SRP9: variants seen among roughly 807,000 people sequenced by gnomAD.
SRP9 encodes the protein signal recognition particle 9 kDa protein.
A neutral mutation model predicts 11.7 loss-of-function variants in SRP9; 2 were observed. The ratio of observed to expected loss-of-function variants is 0.17; its 90% CI spans 0.07 to 0.54. SRP9 has a LOEUF of 0.54. Ranked by LOEUF, SRP9 falls within the 20% of genes least tolerant of loss-of-function variation. The pLI, the probability that SRP9 is intolerant of heterozygous loss-of-function variation, is 0.94. For synonymous variants in SRP9, 27 were observed against 35.6 expected (o/e 0.76, Z 0.86); for missense variants, 54 against 108.1 (o/e 0.50, Z 2.22).
At chr1:225,778,720 G>A (rs1665734985) in intron 1 of SRP9, among the ~76,000 whole-genome samples, 1 of 152,162 alleles carries the variant, frequency 6.6e-6, no homozygotes, top group Non-Finnish European at 1.5e-5. Context: ...TAGCATTCGG[G>A]TCTTACTTTT....
At chr1:225,781,405 T>C (rs895824873) in intron 1 of SRP9, among the ~76,000 whole-genome samples, 2 of 140,836 alleles carry the variant, frequency 1.4e-5, no homozygotes, top group East Asian at 4.0e-4. Flanking sequence ...CTTTTTTTTT[T>C]TTTTTTTTTT....
rs370881839 is a variant in SRP9, at chr1:225,777,938, A to G, written c.-3A>G. 17 of 1,613,792 alleles carry G rather than the reference A, an allele frequency of 1.1e-5. No individual in the cohort carries two copies. Among genetic ancestry groups the G allele is most frequent in the Non-Finnish European group, 1.4e-5 (16 of 1,179,802 alleles). ...TCTCTTTACTTTTCCACTCTAGGCC[A>G]CGATGCCGCAGTACCAGACCTGGGA... On this transcript the variant is annotated 5_prime_UTR_variant, in exon 1 of 3. Coordinates refer to ENST00000304786, the MANE Select transcript of SRP9 (RefSeq NM_003133.6).
At position 225,777,891 on chromosome 1, in the gene SRP9, G is replaced by A. The variant is rs761826186; in HGVS notation, c.-50G>A. The A allele has an allele frequency of 3.2e-6, 5 of 1,555,978 alleles. No individual in the cohort carries two copies. In the East Asian group the frequency reaches 9.0e-5, roughly 28 times the overall value. The stretch of plus-strand genomic sequence containing the variant: ...ACTCCCGGACGTAGGTAGTTTGTTG[G>A]GCCGGGTTCTGAGGCCTTGCTTCTC... On this transcript the variant is annotated 5_prime_UTR_variant, in exon 1 of 3. Transcript: ENST00000304786.
intron 2 of SRP9, among the ~76,000 whole-genome samples, chr1:225,783,697 G>C (rs1215026754): frequency 6.6e-6 from 1 of 152,162 alleles, no homozygotes; most frequent in African/African-American, 2.4e-5. Flanking sequence ...AGGCTTTATT[G>C]TATTTCCTGT....
chr1:225,777,975 G>A lies in SRP9; in HGVS notation c.35G>A (p.Arg12His). Residue 12 changes from arginine (R) to histidine (H), a missense_variant, in exon 1 of 3, where the codon CGC becomes CAC. Arg to His is a conservative substitution (Grantham distance 29). Transcript: ENST00000304786. ...PQYQTWEEFS[R>H]AAEKLYLADP... is the part of the protein sequence containing the mutation. ...TACCAGACCTGGGAGGAGTTCAGCC[G>A]CGCTGCCGAGAAGCTTTACCTCGCT... 2 of 1,614,208 alleles carry A rather than the reference G, an allele frequency of 1.2e-6. No homozygotes were observed. Among genetic ancestry groups the A allele is most frequent in the Admixed American group, 1.7e-5 (1 of 60,030 alleles).
chr1:225,783,224 G>A, intron 1 of SRP9, 76 bp from the exon 2 acceptor site: 1 of 1,160,552 alleles, frequency 8.6e-7, no homozygotes. Context: ...ATCCTTTTCA[G>A]CCTACCTGAA....
intron 1 of SRP9, among the ~76,000 whole-genome samples, chr1:225,779,955 G>A (rs964615096): frequency 6.6e-6 from 1 of 152,162 alleles, no homozygotes; most frequent in Admixed American, 6.5e-5. Flanking sequence ...CAGTGGTAGG[G>A]AAAATGAAAA....
At chr1:225,786,795 G>C in intron 2 of SRP9, 1 of 1,252,204 alleles carries the variant, frequency 8.0e-7, no homozygotes, top group Non-Finnish European at 1.0e-6. Context: ...GCTTACCCTT[G>C]GTAGATTGAG....
chr1:225,779,638 T>C (rs1303813862), intron 1 of SRP9, among the ~76,000 whole-genome samples: 1 of 152,220 alleles, frequency 6.6e-6, no homozygotes, highest in Non-Finnish European at 1.5e-5. Flanking sequence ...CAGAAAGACC[T>C]AGCTAAGTAA....
At chr1:225,788,771 G>A (rs998868074) in intron 2 of SRP9, among the ~76,000 whole-genome samples, 1 of 152,088 alleles carries the variant, frequency 6.6e-6, no homozygotes, top group African/African-American at 2.4e-5. Context: ...GAGAATTCTA[G>A]ATTTTTTTCT....
chr1:225,786,829 A>G (rs4653433), intron 2 of SRP9: 739,930 of 1,247,838 alleles, frequency 0.59, 223,003 homozygotes, highest in East Asian at 0.81. Flanking sequence ...TTGTTTGTTG[A>G]TTGGTTGGTT....
chr1:225,787,625 T>C (rs116045473), intron 2 of SRP9, among the ~76,000 whole-genome samples: 1,626 of 152,306 alleles, frequency 0.011, 17 homozygotes, highest in Non-Finnish European at 0.017. Flanking sequence ...CTGTTAATGA[T>C]TGAATATAAT....
At position 225,781,395 on chromosome 1, in the gene SRP9, C is replaced by CTTT. The variant is rs11315558; in HGVS notation, c.73-1886_73-1884dup. The stretch of plus-strand genomic sequence containing the variant: ...GATTGGCCTTTTTTCTTTTCTTTTT[C>CTTT]TTTTTTTTTTTTTTTTTTTTTGAGA... On this transcript the variant is annotated intron_variant, in intron 1 of 2. Transcript: ENST00000304786. Among the ~76,000 whole-genome samples, 530 of 87,734 alleles carry CTTT rather than the reference C, an allele frequency of 6.0e-3. 15 individuals carry two copies. Among genetic ancestry groups the CTTT allele is most frequent in the Admixed American group, 0.021 (162 of 7,804 alleles). 57.6% of individuals were successfully genotyped at this position (87,734 alleles called of 152,430 possible).
chr1:225,777,883 G>A lies in SRP9; in HGVS notation c.-58G>A. On this transcript the variant is annotated 5_prime_UTR_variant, in exon 1 of 3. Transcript: ENST00000304786. ...GGTTGGCGACTCCCGGACGTAGGTA[G>A]TTTGTTGGGCCGGGTTCTGAGGCCT... is the stretch of plus-strand genomic sequence containing the variant. 6.5e-7 allele frequency: 1 copy of A among 1,536,826 alleles called. No individual in the cohort carries two copies. Among genetic ancestry groups the A allele is most frequent in the South Asian group, 1.1e-5 (1 of 88,326 alleles).
intron 1 of SRP9, among the ~76,000 whole-genome samples, chr1:225,783,061 A>T (rs995772134): frequency 2.1e-5 from 3 of 142,760 alleles, no homozygotes; most frequent in Non-Finnish European, 4.5e-5. Flanking sequence ...CATCTCTTCA[A>T]ACTGGCTGCA....
chr1:225,783,335 G>C lies in SRP9; in HGVS notation c.108G>C (p.Gly36=). Residue 36 remains glycine (G), a synonymous_variant, in exon 2 of 3, where the codon GGG becomes GGC. Coordinates refer to ENST00000304786, the MANE Select transcript of SRP9 (RefSeq NM_003133.6). ...RVVLKYRHSD[G]NLCVKVTDDL... ...TTCTCAAATATAGGCATTCTGATGGGAACTTGTGTGTTAAAGTAACAGATG... is the reference window on the plus strand; with the variant it reads ...TTCTCAAATATAGGCATTCTGATGGCAACTTGTGTGTTAAAGTAACAGATG... 1 of 1,612,646 alleles carries C rather than the reference G, an allele frequency of 6.2e-7. No individual in the cohort carries two copies. Among genetic ancestry groups the C allele is most frequent in the Non-Finnish European group, 8.5e-7 (1 of 1,179,218 alleles).
chr1:225,781,395 C>CT (rs11315558), intron 1 of SRP9, among the ~76,000 whole-genome samples: 5,708 of 87,846 alleles, frequency 0.065, 388 homozygotes, highest in African/African-American at 0.17. Context: ...TTTTCTTTTT[C>CT]TTTTTTTTTT....
intron 2 of SRP9, chr1:225,786,786 C>G (rs1559006319): frequency 1.5e-5 from 18 of 1,237,056 alleles, no homozygotes; most frequent in Non-Finnish European, 1.7e-5. Flanking sequence ...AACATGAGTG[C>G]TTACCCTTGG....
chr1:225,786,161 A>G (rs940166623), intron 2 of SRP9, among the ~76,000 whole-genome samples: 10 of 152,290 alleles, frequency 6.6e-5, no homozygotes, highest in African/African-American at 2.4e-4. Context: ...CTCCTTTGCA[A>G]TATTGAATCC....
Sources: allele counts gnomAD v4.1 joint callset (sites outside exome capture counted in the v4.1 genomes callset), GRCh38; gene constraint gnomAD v4.1.1; transcripts MANE v1.5; gene names NCBI Gene and HGNC (gene_info 2026-07-23, HGNC 2026-07-21).